The following CAMK1D variants were observed in gnomAD, a reference collection of about 807,000 sequenced individuals.
The protein encoded by CAMK1D is calcium/calmodulin dependent protein kinase ID.
Under a neutral mutation model 47.7 loss-of-function variants are expected in CAMK1D, and 9 were observed. The observed-to-expected ratio is 0.19, with a 90% CI of 0.11 to 0.33. The LOEUF is 0.33. Ranked by LOEUF, CAMK1D falls within the 10% of genes least tolerant of loss-of-function variation. CAMK1D has a pLI of 1.00. For missense variants in CAMK1D, 291 were observed against 488.7 expected, an observed-to-expected ratio of 0.60 and a Z score of 3.81; for synonymous variants, 184 against 184.9, an observed-to-expected ratio of 0.99 and a Z score of 0.04.
chr10:12,623,411 CCTTTCTTT>C (rs1564452305), intron 2 of CAMK1D, among the ~76,000 whole-genome samples: 2 of 2,210 alleles, frequency 9.0e-4, no homozygotes, highest in South Asian at 0.019. Flanking sequence ...CTTCCTCCCT[CCTTTCTTT>C]CCTTCCTCCC....
At chr10:12,565,703 A>G (rs1251332920) in intron 2 of CAMK1D, among the ~76,000 whole-genome samples, 2 of 152,178 alleles carry the variant, frequency 1.3e-5, no homozygotes, top group Non-Finnish European at 2.9e-5. Context: ...TGTAAAGTGG[A>G]TATTATGATC....
intron 1 of CAMK1D, 84 bp from the exon 2 acceptor site, chr10:12,553,141 C>G (rs1366261647): frequency 2.1e-5 from 34 of 1,597,884 alleles, no homozygotes; most frequent in Non-Finnish European, 2.8e-5. Flanking sequence ...ATTGTTTACT[C>G]AAACTTCGGT....
At chr10:12,585,619 G>C (rs1035451397) in intron 2 of CAMK1D, among the ~76,000 whole-genome samples, 3 of 152,182 alleles carry the variant, frequency 2.0e-5, no homozygotes, top group African/African-American at 7.2e-5. Context: ...GAGAATGAGA[G>C]CCAAGTGAAA....
intron 3 of CAMK1D, among the ~76,000 whole-genome samples, chr10:12,674,863 C>G (rs1370728957): frequency 6.6e-6 from 1 of 151,412 alleles, no homozygotes; most frequent in Non-Finnish European, 1.5e-5. Context: ...GAAACCCCGT[C>G]TCTACTAAAA....
At chr10:12,378,518 A>C (rs982584608) in intron 1 of CAMK1D, among the ~76,000 whole-genome samples, 1 of 148,894 alleles carries the variant, frequency 6.7e-6, no homozygotes, top group Non-Finnish European at 1.5e-5. Flanking sequence ...TATAGGTACG[A>C]ACCACTGTGA....
chr10:12,432,944 C>T (rs536557761), intron 1 of CAMK1D, among the ~76,000 whole-genome samples: 38 of 152,284 alleles, frequency 2.5e-4, no homozygotes, highest in Admixed American at 1.4e-3. Flanking sequence ...ACAAGGTCCC[C>T]GGGATTAGAG....
At chr10:12,680,622 G>A (rs143149011) in intron 3 of CAMK1D, among the ~76,000 whole-genome samples, 65 of 152,228 alleles carry the variant, frequency 4.3e-4, no homozygotes, top group Non-Finnish European at 8.2e-4. Context: ...TGATGCTGGC[G>A]TGGCAGCCCC....
Position 12,769,815 on chromosome 10 carries a change from G to A in CAMK1D, c.565+16G>A, listed in dbSNP as rs1376958065. On this transcript the variant is annotated intron_variant, in intron 5 of 10. Transcript: ENST00000619168. ...GGCTATGTCGGTAAGGACAGTGCAT[G>A]TGCACACATGTGCCCGTGTGTGTGT... is the stretch of plus-strand genomic sequence containing the variant. 2 of 1,613,552 alleles carry A rather than the reference G, an allele frequency of 1.2e-6. No homozygotes were observed. The highest frequency in any genetic ancestry group is 1.7e-6 in the Non-Finnish European group (2 of 1,179,662).
chr10:12,745,131 C>T (rs1564531124), intron 3 of CAMK1D, among the ~76,000 whole-genome samples: 1 of 152,342 alleles, frequency 6.6e-6, no homozygotes, highest in Non-Finnish European at 1.5e-5. Flanking sequence ...TCCGAGTTCA[C>T]GCCGTTCTCC....
At chr10:12,385,896 G>A (rs545482622) in intron 1 of CAMK1D, among the ~76,000 whole-genome samples, 3 of 152,094 alleles carry the variant, frequency 2.0e-5, no homozygotes, top group Non-Finnish European at 4.4e-5. Context: ...ACAGGCGTGC[G>A]CCACCGCGCC....
At chr10:12,427,232 G>A in intron 1 of CAMK1D, among the ~76,000 whole-genome samples, 1 of 152,142 alleles carries the variant, frequency 6.6e-6, no homozygotes, top group Non-Finnish European at 1.5e-5. Flanking sequence ...TTGATGGAGG[G>A]ACTGATTCCA....
At chr10:12,799,079 A>C (rs1002464632) in intron 6 of CAMK1D, among the ~76,000 whole-genome samples, 2 of 152,174 alleles carry the variant, frequency 1.3e-5, no homozygotes. Context: ...GAGGGATTCC[A>C]TCGTACACCA....
intron 2 of CAMK1D, among the ~76,000 whole-genome samples, chr10:12,628,681 C>T (rs768015236): frequency 1.3e-5 from 2 of 152,166 alleles, no homozygotes; most frequent in Non-Finnish European, 2.9e-5. Flanking sequence ...TTATGTTATA[C>T]ATTCTGTGGG....
chr10:12,375,152 G>A (rs139274740), intron 1 of CAMK1D, among the ~76,000 whole-genome samples: 1 of 152,180 alleles, frequency 6.6e-6, no homozygotes, highest in Non-Finnish European at 1.5e-5. Context: ...CTTCATGAGA[G>A]CAGGGGACAC....
intron 1 of CAMK1D, among the ~76,000 whole-genome samples, chr10:12,371,941 A>C (rs1838018071): frequency 6.6e-6 from 1 of 152,130 alleles, no homozygotes; most frequent in Non-Finnish European, 1.5e-5. Flanking sequence ...TGTTGGGATT[A>C]CAGGTGTGAG....
chr10:12,353,650 CCT>C (rs1837414601), intron 1 of CAMK1D, among the ~76,000 whole-genome samples: 1 of 152,116 alleles, frequency 6.6e-6, no homozygotes, highest in East Asian at 1.9e-4. Flanking sequence ...GTCTGATGCA[CCT>C]CTGAGTCAGG....
chr10:12,411,033 G>A (rs2724785), intron 1 of CAMK1D, among the ~76,000 whole-genome samples: 97,914 of 151,908 alleles, frequency 0.64, 31,749 homozygotes, highest in East Asian at 0.71. Flanking sequence ...CCCACCTCAC[G>A]TGGAAATAGG....
intron 3 of CAMK1D, among the ~76,000 whole-genome samples, chr10:12,702,630 G>T (rs1833568636): frequency 6.6e-6 from 1 of 152,176 alleles, no homozygotes; most frequent in Non-Finnish European, 1.5e-5. Context: ...CCCGATACGA[G>T]GTAGGTTCAG....
intron 5 of CAMK1D, among the ~76,000 whole-genome samples, chr10:12,785,336 C>T (rs1376448259): frequency 2.6e-5 from 4 of 152,136 alleles, no homozygotes; most frequent in East Asian, 3.9e-4. Flanking sequence ...TTACACAAGC[C>T]ATGGAGCCTT....
Sources: gnomAD v4.1 joint callset for allele counts (sites outside exome capture counted in the v4.1 genomes callset) on GRCh38, gnomAD v4.1.1 for gene constraint, MANE v1.5 for transcripts, NCBI Gene and HGNC (gene_info 2026-07-23, HGNC 2026-07-21) for gene names.